Variants in MTERF3 observed in about 807,000 individuals in gnomAD.
The protein encoded by MTERF3 is transcription termination factor 3, mitochondrial.
Under a neutral mutation model 40.5 loss-of-function variants are expected in MTERF3, and 40 were observed. The ratio of observed to expected loss-of-function variants is 0.99; its 90% CI spans 0.77 to 1.29. The LOEUF is 1.29. MTERF3 is among the 50% of genes most tolerant of loss of function. The pLI, the probability that MTERF3 is intolerant of heterozygous loss-of-function variation, is 0.00. For synonymous variants in MTERF3, 158 were observed against 166.6 expected (o/e 0.95, Z 0.40); for missense variants, 452 against 478.2 (o/e 0.95, Z 0.51).
rs1491333790 is a variant in MTERF3 at position 96,250,665 on chromosome 8, GAA to G, written c.677+239_677+240del. Among the ~76,000 whole-genome samples the G allele has an allele frequency of 9.1e-3, 342 of 37,656 alleles. 47 individuals are homozygous for G. Among genetic ancestry groups the G allele is most frequent in the African/African-American group, 0.036 (329 of 9,220 alleles). The allele number at this position is 37,656 out of a possible 152,430, so 24.7% of individuals were successfully genotyped here. On this transcript the variant is annotated intron_variant, in intron 4 of 7. Coordinates refer to ENST00000287025, the MANE Select transcript of MTERF3 (RefSeq NM_015942.5). ...AGAAGAAGAAGAAGAAGAAGAAGAA[GAA>G]GAAGAAGAAGAAGAAGGAGGAGGAG...
At chr8:96,244,150 A>C in intron 6 of MTERF3, 70 bp from the exon 7 acceptor site, 4 of 1,390,826 alleles carry the variant, frequency 2.9e-6, no homozygotes, top group South Asian at 1.4e-5. Context: ...GCAAGGCTGC[A>C]CTGATTTTTT....
rs1563548987 is a variant in MTERF3, at chr8:96,250,668, GAAGAAGAAGAAGA to G, written c.677+225_677+237del. 1.2e-3 allele frequency among the ~76,000 whole-genome samples: 53 copies of G among 42,792 alleles called. 7 individuals are homozygous for G. The highest frequency in any genetic ancestry group is 4.6e-3 in the African/African-American group (45 of 9,850). 28.1% of individuals were successfully genotyped at this position (42,792 alleles called of 152,430 possible). ...AGAAGAAGAAGAAGAAGAAGAAGAA[GAAGAAGAAGAAGA>G]AGGAGGAGGAGGAGGGGGGGAGGGG... On this transcript the variant is annotated intron_variant, in intron 4 of 7. Coordinates refer to ENST00000287025, the MANE Select transcript of MTERF3 (RefSeq NM_015942.5).
rs1810012690 is a variant in MTERF3 at position 96,245,927 on chromosome 8, C to G, written c.830G>C (p.Arg277Thr). 6.2e-6 allele frequency: 10 copies of G among 1,613,666 alleles called. No individual in the cohort carries two copies. The highest frequency in any genetic ancestry group is 1.3e-5 in the African/African-American group (1 of 74,898). The change falls in exon 6 of 8, where the codon AGA becomes ACA. Residue 277 changes from arginine to threonine, a missense_variant. Arg to Thr is a moderately conservative substitution (Grantham distance 71). Transcript: ENST00000287025. Reference sequence around the variant, plus strand: ...CCTTGGGAGACGAACTACCAGATCTCTAGTCTGTGGTTGCAAACAAAACAA... The same window carrying G: ...CCTTGGGAGACGAACTACCAGATCTGTAGTCTGTGGTTGCAAACAAAACAA... ...KELELSVKKT[R>T]DLVVRLPRLL...
At chr8:96,247,107 G>A (rs980341376) in intron 4 of MTERF3, among the ~76,000 whole-genome samples, 1 of 151,934 alleles carries the variant, frequency 6.6e-6, no homozygotes, top group Non-Finnish European at 1.5e-5. Context: ...CAAGTAGCTG[G>A]GATTACAGGC....
intron 4 of MTERF3, 132 bp downstream of exon 4, chr8:96,250,774 A>C: frequency 1.5e-6 from 1 of 686,404 alleles, no homozygotes; most frequent in Non-Finnish European, 2.3e-6. Context: ...AGATCAAAGA[A>C]GGTCTATAAC....
chr8:96,254,021 G>C (rs1810236732), intron 3 of MTERF3, among the ~76,000 whole-genome samples: 1 of 151,900 alleles, frequency 6.6e-6, no homozygotes, highest in South Asian at 2.1e-4. Flanking sequence ...AAAAAGATAA[G>C]ACAGGGACTG....
rs1478395580 is a variant in MTERF3, at chr8:96,257,814, C to G, written c.334+543G>C. Among the ~76,000 whole-genome samples the G allele has an allele frequency of 2.0e-5, 3 of 152,188 alleles. No individual in the cohort carries two copies. The East Asian group carries it at 5.8e-4, about 29-fold the overall frequency. ...ATAGCCAGCATCTCCTCCCTGCCCT[C>G]TCCCCAGCTCTCTTTCCTTCATATT... is the stretch of plus-strand genomic sequence containing the variant. On this transcript the variant is annotated intron_variant, in intron 2 of 7. Transcript: ENST00000287025.
intron 5 of MTERF3, among the ~76,000 whole-genome samples, 179 bp from the exon 6 acceptor site, chr8:96,246,110 T>C (rs1313069088): frequency 6.6e-6 from 1 of 152,114 alleles, no homozygotes; most frequent in Non-Finnish European, 1.5e-5. Flanking sequence ...AAACAAAAAC[T>C]GAAGGAACCA....
intron 4 of MTERF3, 59 bp from the exon 5 acceptor site, chr8:96,246,513 T>C (rs2129889674): frequency 7.0e-7 from 1 of 1,419,826 alleles, no homozygotes. Flanking sequence ...TTTTTTGAGA[T>C]GGAGTCTCAT....
At chr8:96,250,435 C>A (rs1810109715) in intron 4 of MTERF3, among the ~76,000 whole-genome samples, 1 of 147,088 alleles carries the variant, frequency 6.8e-6, no homozygotes, top group South Asian at 2.1e-4. Context: ...TGGAGCCAGG[C>A]AGGGTGGCTC....
At chr8:96,257,867 C>T (rs13279386) in intron 2 of MTERF3, among the ~76,000 whole-genome samples, 6,561 of 152,098 alleles carry the variant, frequency 0.043, 202 homozygotes, top group Middle Eastern at 0.068. Flanking sequence ...ATTTCATTAC[C>T]AGCGAAATAT....
At chr8:96,249,970 G>A (rs1002528506) in intron 4 of MTERF3, among the ~76,000 whole-genome samples, 1 of 152,102 alleles carries the variant, frequency 6.6e-6, no homozygotes, top group African/African-American at 2.4e-5. Context: ...TGGGGGCGAC[G>A]ATGAATTCAA....
chr8:96,241,956 C>A (rs950328267), intron 7 of MTERF3, among the ~76,000 whole-genome samples: 1 of 152,102 alleles, frequency 6.6e-6, no homozygotes, highest in Non-Finnish European at 1.5e-5. Context: ...TTTTGTTATC[C>A]TTTACCTTCC....
chr8:96,250,907 TGGTCTTCAGATTTTCAA>T lies in MTERF3; in HGVS notation c.659_675del (p.Leu220GlnfsTer12), dbSNP rs776989684. 1.3e-5 allele frequency: 21 copies of T among 1,602,878 alleles called. No individual in the cohort carries two copies. In the South Asian group the frequency reaches 2.3e-4, roughly 17 times the overall value. On this transcript the variant is annotated frameshift_variant and splice_region_variant, in exon 4 of 8. Transcript: ENST00000287025. LOFTEE classifies it high-confidence loss of function. ...TGAGAATCCTTTTAAAAGTCCTACC[TGGTCTTCAGATTTTCAA>T]GGTCTTCAGAGAAAATTGCATGATT...
intron 4 of MTERF3, among the ~76,000 whole-genome samples, chr8:96,250,696 G>GAA (rs1554580097): frequency 1.6e-4 from 4 of 25,072 alleles, no homozygotes; most frequent in Admixed American, 2.9e-4. Context: ...GGAGGAGGAG[G>GAA]GGGGGAGGGG....
chr8:96,248,549 T>C (rs547336554), intron 4 of MTERF3, among the ~76,000 whole-genome samples: 132 of 152,322 alleles, frequency 8.7e-4, no homozygotes, highest in Middle Eastern at 3.4e-3. Context: ...CTGATAACAG[T>C]AGCTGTGTCG....
At chr8:96,252,784 ATGAAC>A (rs1322824566) in intron 3 of MTERF3, among the ~76,000 whole-genome samples, 1 of 152,254 alleles carries the variant, frequency 6.6e-6, no homozygotes, top group East Asian at 1.9e-4. Flanking sequence ...TACAGCTGAC[ATGAAC>A]TGAAGTGCTT....
At chr8:96,253,162 C>T (rs1215700578) in intron 3 of MTERF3, among the ~76,000 whole-genome samples, 1 of 152,042 alleles carries the variant, frequency 6.6e-6, no homozygotes, top group Non-Finnish European at 1.5e-5. Flanking sequence ...TACAACGTGC[C>T]CTGGAAAGTA....
At chr8:96,243,054 C>A (rs1809957302) in intron 7 of MTERF3, among the ~76,000 whole-genome samples, 1 of 152,136 alleles carries the variant, frequency 6.6e-6, no homozygotes, top group African/African-American at 2.4e-5. Context: ...ATATTAGAGG[C>A]CCGTTCCTAG....
Sources: gnomAD v4.1 joint callset for allele counts (sites outside exome capture counted in the v4.1 genomes callset) on GRCh38, gnomAD v4.1.1 for gene constraint, MANE v1.5 for transcripts, NCBI Gene and HGNC (gene_info 2026-07-23, HGNC 2026-07-21) for gene names.